Variants in ERC2 observed in about 807,000 individuals in gnomAD.
ERC2 encodes the protein ERC protein 2.
In ERC2, 42 loss-of-function variants were observed where a neutral mutation model predicts 114.8. The observed-to-expected ratio is 0.37, with a 90% CI of 0.29 to 0.47. The LOEUF is 0.47. Ranked by LOEUF, ERC2 falls within the 20% of genes least tolerant of loss-of-function variation. ERC2 has a pLI of 0.99. For synonymous variants in ERC2, 454 were observed against 425.5 expected (o/e 1.07, Z -0.82); for missense variants, 939 against 1,150.7 (o/e 0.82, Z 2.66).
intron 14 of ERC2, among the ~76,000 whole-genome samples, chr3:55,792,964 C>A (rs1256508826): frequency 6.6e-6 from 1 of 152,202 alleles, no homozygotes; most frequent in Non-Finnish European, 1.5e-5. Flanking sequence ...AACGGGTGAA[C>A]CATGCCTGGT....
At chr3:55,537,825 T>C (rs1436348780) in intron 17 of ERC2, among the ~76,000 whole-genome samples, 1 of 152,226 alleles carries the variant, frequency 6.6e-6, no homozygotes, top group Non-Finnish European at 1.5e-5. Context: ...AAAAGTTTCA[T>C]TAGCATCTTA....
At chr3:55,689,732 G>A (rs1021315595) in intron 16 of ERC2, among the ~76,000 whole-genome samples, 12 of 151,762 alleles carry the variant, frequency 7.9e-5, no homozygotes, top group African/African-American at 2.9e-4. Context: ...GATGGAGGTT[G>A]CGGTGAGCCG....
intron 3 of ERC2, among the ~76,000 whole-genome samples, chr3:56,237,191 A>G (rs1419747736): frequency 6.6e-6 from 1 of 152,116 alleles, no homozygotes; most frequent in Non-Finnish European, 1.5e-5. Context: ...TGCATTTTAT[A>G]CTTCATTAAC....
Position 55,945,049 on chromosome 3 carries a change from C to T in ERC2, c.2403+5376G>A, listed in dbSNP as rs868144487. Among the ~76,000 whole-genome samples, 3 of 152,134 alleles carry T rather than the reference C, an allele frequency of 2.0e-5. No homozygotes were observed. The South Asian group carries it at 6.2e-4, about 32-fold the overall frequency. ...CTCTACCCATCAAGGTAGAAAACTG[C>T]AAAACAAATAAATAAAACACTTCAC... On this transcript the variant is annotated intron_variant, in intron 13 of 17. Transcript: ENST00000288221.
chr3:56,446,088 C>T (rs1271659373), intron 1 of ERC2, among the ~76,000 whole-genome samples: 1 of 152,174 alleles, frequency 6.6e-6, no homozygotes, highest in African/African-American at 2.4e-5. Flanking sequence ...TGTCCCTCCT[C>T]AGATCCCTGG....
intron 14 of ERC2, among the ~76,000 whole-genome samples, chr3:55,860,254 T>C (rs1342828309): frequency 1.3e-5 from 2 of 152,150 alleles, no homozygotes; most frequent in African/African-American, 4.8e-5. Context: ...AAAAATCCTA[T>C]AGTAAACACG....
chr3:55,937,458 C>T (rs960509223), intron 13 of ERC2, among the ~76,000 whole-genome samples: 1 of 152,224 alleles, frequency 6.6e-6, no homozygotes, highest in African/African-American at 2.4e-5. Context: ...GAGTAGATGG[C>T]TGTGGCTTTG....
intron 14 of ERC2, among the ~76,000 whole-genome samples, chr3:55,807,301 C>G (rs1227069022): frequency 6.6e-6 from 1 of 152,114 alleles, no homozygotes; most frequent in Non-Finnish European, 1.5e-5. Context: ...AGACTATGTT[C>G]GTGCCAATAT....
At chr3:55,573,672 A>G (rs2056836432) in intron 17 of ERC2, among the ~76,000 whole-genome samples, 1 of 151,988 alleles carries the variant, frequency 6.6e-6, no homozygotes, top group Non-Finnish European at 1.5e-5. Flanking sequence ...TCTGCTTGCC[A>G]GAGTCAGCTG....
At chr3:56,302,718 A>C (rs1193176817) in intron 2 of ERC2, among the ~76,000 whole-genome samples, 1 of 152,228 alleles carries the variant, frequency 6.6e-6, no homozygotes, top group Non-Finnish European at 1.5e-5. Context: ...ACCTACAGCA[A>C]GTACCTACAA....
chr3:56,416,706 A>C (rs1318324009), intron 2 of ERC2, among the ~76,000 whole-genome samples: 2 of 151,142 alleles, frequency 1.3e-5, no homozygotes, highest in African/African-American at 4.9e-5. Context: ...CTCTAAACTG[A>C]AACTGTTTTA....
At chr3:55,955,371 G>A (rs527541926) in intron 12 of ERC2, among the ~76,000 whole-genome samples, 1 of 152,084 alleles carries the variant, frequency 6.6e-6, no homozygotes, top group Non-Finnish European at 1.5e-5. Context: ...AAAATATAGA[G>A]CATTGCCATC....
intron 2 of ERC2, among the ~76,000 whole-genome samples, chr3:56,380,532 C>T (rs1041026434): frequency 3.9e-5 from 6 of 151,960 alleles, no homozygotes; most frequent in Non-Finnish European, 7.3e-5. Flanking sequence ...TTTGGACCCA[C>T]GTTTTCTTGG....
At chr3:56,340,542 A>ATGTGTATGTGTGTG (rs1553925438) in intron 2 of ERC2, among the ~76,000 whole-genome samples, 2 of 141,416 alleles carry the variant, frequency 1.4e-5, no homozygotes, top group Non-Finnish European at 3.0e-5. Flanking sequence ...GAGAGAGTGA[A>ATGTGTATGTGTGTG]TGTGTGTGTG....
rs148621881 is a variant in ERC2 at position 56,287,807 on chromosome 3, C to T, written c.1074+8212G>A. Among the ~76,000 whole-genome samples, 4 of 152,280 alleles carry T rather than the reference C, an allele frequency of 2.6e-5. No individual in the cohort carries two copies. In the East Asian group the frequency reaches 7.7e-4, roughly 29 times the overall value. ...GTGCTCTGAGAACCTGGGCCAGTCA[C>T]ATCACCTCTCAAGGCCTCAACTTCC... On this transcript the variant is annotated intron_variant, in intron 3 of 17. Transcript: ENST00000288221.
chr3:55,629,687 A>G (rs1049681336), intron 17 of ERC2, among the ~76,000 whole-genome samples: 2 of 152,222 alleles, frequency 1.3e-5, no homozygotes, highest in Non-Finnish European at 2.9e-5. Context: ...AACCACATAG[A>G]TAAGGTACTT....
intron 17 of ERC2, among the ~76,000 whole-genome samples, chr3:55,576,219 G>A (rs1163180410): frequency 6.6e-6 from 1 of 151,220 alleles, no homozygotes; most frequent in East Asian, 1.9e-4. Context: ...TGAGGCAGGA[G>A]AATCACTTGA....
At chr3:55,527,598 A>G (rs1379018773) in intron 17 of ERC2, among the ~76,000 whole-genome samples, 1 of 152,212 alleles carries the variant, frequency 6.6e-6, no homozygotes, top group East Asian at 1.9e-4. Context: ...GTTCAGGGCA[A>G]TTAAGTAACT....
chr3:56,382,032 TC>T (rs1190132255), intron 2 of ERC2, among the ~76,000 whole-genome samples: 1 of 152,062 alleles, frequency 6.6e-6, no homozygotes, highest in African/African-American at 2.4e-5. Context: ...AGCACCTCTT[TC>T]CCCATACTCA....
Sources: gnomAD v4.1 joint callset for allele counts (sites outside exome capture counted in the v4.1 genomes callset) on GRCh38, gnomAD v4.1.1 for gene constraint, MANE v1.5 for transcripts, NCBI Gene and HGNC (gene_info 2026-07-23, HGNC 2026-07-21) for gene names.